Variants in ADAMTS14 observed in about 807,000 individuals in gnomAD.
ADAMTS14 encodes the protein A disintegrin and metalloproteinase with thrombospondin motifs 14.
A neutral mutation model predicts 128.6 loss-of-function variants in ADAMTS14; 100 were observed. The observed-to-expected ratio is 0.78, with a 90% CI of 0.66 to 0.92. The LOEUF (loss-of-function observed/expected upper bound fraction) is 0.92. ADAMTS14 is among the 40% of genes least tolerant of loss of function. ADAMTS14 has a pLI of 0.00. For missense variants in ADAMTS14, 1,562 were observed against 1,658.6 expected, an observed-to-expected ratio of 0.94 and a Z score of 1.01; for synonymous variants, 665 against 653.8, an observed-to-expected ratio of 1.02 and a Z score of -0.26.
intron 10 of ADAMTS14, among the ~76,000 whole-genome samples, chr10:70,738,079 A>C (rs545154373): frequency 2.0e-4 from 16 of 79,738 alleles, no homozygotes; most frequent in African/African-American, 8.1e-4. Context: ...CAGGCATCTG[A>C]AGTTGTAAAA....
rs369850972 is a variant in ADAMTS14 at position 70,758,310 on chromosome 10, C to T, written c.3178+25C>T. The T allele has an allele frequency of 1.7e-5, 27 of 1,601,512 alleles. No individual in the cohort carries two copies. In the African/African-American group the frequency reaches 3.3e-4, roughly 20 times the overall value. On this transcript the variant is annotated intron_variant, in intron 21 of 21. Coordinates refer to ENST00000373207, the MANE Select transcript of ADAMTS14 (RefSeq NM_080722.4). ...AGTAAGTACAGTCTATGGACCCTAC[C>T]CTGCTCCCCAGACCTTTCAGTGGCC... is the stretch of plus-strand genomic sequence containing the variant.
At chr10:70,707,831 T>C (rs1210813944) in intron 3 of ADAMTS14, among the ~76,000 whole-genome samples, 1 of 152,110 alleles carries the variant, frequency 6.6e-6, no homozygotes, top group Non-Finnish European at 1.5e-5. Flanking sequence ...AGCTGTCTTG[T>C]AAAGGAAGTT....
intron 13 of ADAMTS14, 91 bp downstream of exon 13, chr10:70,743,772 C>T: frequency 6.9e-7 from 1 of 1,440,960 alleles, no homozygotes; most frequent in African/African-American, 1.4e-5. Context: ...TGAGCATTGC[C>T]TCACCGGCCC....
intron 4 of ADAMTS14, among the ~76,000 whole-genome samples, chr10:70,726,147 C>A (rs1166275334): frequency 6.6e-6 from 1 of 152,226 alleles, no homozygotes; most frequent in African/African-American, 2.4e-5. Flanking sequence ...CTCACCCCAC[C>A]TCCTGCCAAT....
Position 70,708,679 on chromosome 10 carries a change from C to T in ADAMTS14, c.771C>T (p.Gly257=), listed in dbSNP as rs1264995838. The change falls in exon 4 of 22, where the codon GGC becomes GGT. Residue 257 remains glycine (G), a synonymous_variant. Coordinates refer to ENST00000373207, the MANE Select transcript of ADAMTS14 (RefSeq NM_080722.4). ...GGAAGCGGCGGCATGCCAAGCCAGG[C>T]AGCTACAGCATCGAGGTGCTGCTGG... is the stretch of plus-strand genomic sequence containing the variant. ...TERKRRHAKP[G]SYSIEVLLVV... 6 of 1,613,632 alleles carry T rather than the reference C, an allele frequency of 3.7e-6. No individual in the cohort carries two copies. Among genetic ancestry groups the T allele is most frequent in the African/African-American group, 1.3e-5 (1 of 74,868 alleles).
At chr10:70,735,030 T>C in intron 8 of ADAMTS14, 139 bp from the exon 9 acceptor site, 1 of 1,139,566 alleles carries the variant, frequency 8.8e-7, no homozygotes, top group Non-Finnish European at 1.2e-6. Flanking sequence ...CCGTCCTCCC[T>C]GGAAGAGACA....
Position 70,674,631 on chromosome 10 carries a change from T to C in ADAMTS14, c.158T>C (p.Leu53Pro), listed in dbSNP as rs1161265776. 3.7e-6 allele frequency: 6 copies of C among 1,613,664 alleles called. No individual in the cohort carries two copies. The highest frequency in any genetic ancestry group is 1.7e-5 in the Admixed American group (1 of 60,006). ...PCSTDFRGRF[L>P]SHVVSGPAAA... Reference sequence around the variant, plus strand: ...AGCACAGACTTTCGGGGACGCTTCCTCTCCCACGTGGTGTCTGGCCCAGCA... The same window carrying C: ...AGCACAGACTTTCGGGGACGCTTCCCCTCCCACGTGGTGTCTGGCCCAGCA... The change falls in exon 2 of 22, where the codon CTC becomes CCC. Residue 53 changes from leucine to proline, a missense_variant. Physicochemically the swap from Leu to Pro is moderately conservative, Grantham distance 98. Coordinates refer to ENST00000373207, the MANE Select transcript of ADAMTS14 (RefSeq NM_080722.4).
intron 4 of ADAMTS14, among the ~76,000 whole-genome samples, chr10:70,721,117 C>T (rs7086135): frequency 0.21 from 31,085 of 149,666 alleles, 3,753 homozygotes; most frequent in Middle Eastern, 0.29. Context: ...CTCCACCTCC[C>T]GGGTTCAAGT....
chr10:70,683,680 A>G (rs918992113), intron 2 of ADAMTS14, among the ~76,000 whole-genome samples: 1 of 151,758 alleles, frequency 6.6e-6, no homozygotes, highest in Admixed American at 6.5e-5. Context: ...CTTCCTCACA[A>G]CTCTGTGGGT....
At chr10:70,675,721 G>A (rs894028131) in intron 2 of ADAMTS14, among the ~76,000 whole-genome samples, 2 of 152,168 alleles carry the variant, frequency 1.3e-5, no homozygotes, top group African/African-American at 4.8e-5. Flanking sequence ...GCCATGGGGT[G>A]GGCTGTCTTT....
intron 2 of ADAMTS14, among the ~76,000 whole-genome samples, chr10:70,680,311 AATCGC>A (rs58710985): frequency 0.25 from 37,297 of 151,936 alleles, 4,883 homozygotes; most frequent in Middle Eastern, 0.34. Context: ...GAGGCAGGAG[AATCGC>A]ATCGCTTGAA....
At chr10:70,681,679 C>T (rs143260511) in intron 2 of ADAMTS14, among the ~76,000 whole-genome samples, 124 of 152,296 alleles carry the variant, frequency 8.1e-4, no homozygotes, top group Middle Eastern at 3.4e-3. Context: ...GTCCTGTGGG[C>T]GCCCTGGGAA....
At chr10:70,743,088 C>T (rs1296740807) in intron 12 of ADAMTS14, among the ~76,000 whole-genome samples, 1 of 152,168 alleles carries the variant, frequency 6.6e-6, no homozygotes, top group Non-Finnish European at 1.5e-5. Flanking sequence ...GAGCAAGTTC[C>T]TTAACCTCTC....
intron 6 of ADAMTS14, among the ~76,000 whole-genome samples, chr10:70,731,088 A>G (rs1473803882): frequency 1.3e-5 from 2 of 149,704 alleles, no homozygotes; most frequent in Admixed American, 1.3e-4. Context: ...ACACACACAC[A>G]CACGTACAGA....
chr10:70,739,654 A>G (rs1841935863), intron 11 of ADAMTS14, among the ~76,000 whole-genome samples: 2 of 152,108 alleles, frequency 1.3e-5, no homozygotes, highest in Non-Finnish European at 2.9e-5. Flanking sequence ...GGCTCTAGGA[A>G]TGCAGGAGTT....
At position 70,738,793 on chromosome 10, in the gene ADAMTS14, C is replaced by T. The variant is rs1278262035; in HGVS notation, c.1600-49C>T. On this transcript the variant is annotated intron_variant, in intron 10 of 21. Transcript: ENST00000373207. ...CCCTTTTTCTGGCTCCCCGGGTGGG[C>T]TCAGCAGCAGCAGCCCAGGGTGACC... The T allele has an allele frequency of 3.1e-6, 5 of 1,611,564 alleles. No individual in the cohort carries two copies. In the African/African-American group the frequency reaches 6.7e-5, roughly 22 times the overall value.
intron 6 of ADAMTS14, among the ~76,000 whole-genome samples, chr10:70,730,841 C>T (rs1202624660): frequency 6.6e-6 from 1 of 152,150 alleles, no homozygotes; most frequent in Non-Finnish European, 1.5e-5. Context: ...AAACATGCAG[C>T]TTTGATACCC....
chr10:70,675,013 C>G lies in ADAMTS14; in HGVS notation c.522+18C>G. The stretch of plus-strand genomic sequence containing the variant: ...ACGGATTGGTAAGGGATGAGACTTT[C>G]ATTAAGCTGCATCCTCCCCCTCCCA... On this transcript the variant is annotated intron_variant, in intron 2 of 21. Transcript: ENST00000373207. 6.2e-7 allele frequency: 1 copy of G among 1,605,004 alleles called. No individual in the cohort carries two copies. The highest frequency in any genetic ancestry group is 8.5e-7 in the Non-Finnish European group (1 of 1,176,978).
intron 4 of ADAMTS14, among the ~76,000 whole-genome samples, chr10:70,725,602 G>T (rs1343394182): frequency 6.6e-6 from 1 of 152,088 alleles, no homozygotes; most frequent in East Asian, 1.9e-4. Flanking sequence ...TCTTTCAGGG[G>T]CTCCTTTTAT....
Sources: allele counts gnomAD v4.1 joint callset (sites outside exome capture counted in the v4.1 genomes callset), GRCh38; gene constraint gnomAD v4.1.1; transcripts MANE v1.5; gene names NCBI Gene and HGNC (gene_info 2026-07-23, HGNC 2026-07-21).